DHCR7: variants seen among roughly 807,000 people sequenced by gnomAD.
DHCR7 encodes the protein 7-dehydrocholesterol reductase, also known as 7-DHC reductase.
A neutral mutation model predicts 43.3 loss-of-function variants in DHCR7; 40 were observed. The observed-to-expected ratio is 0.92, with a 90% confidence interval of 0.72 to 1.20. The LOEUF is 1.20. DHCR7 is among the 50% of genes most tolerant of loss of function. The pLI, the probability that DHCR7 is intolerant of heterozygous loss-of-function variation, is 0.00. For missense variants in DHCR7, 608 were observed against 644.6 expected, an observed-to-expected ratio of 0.94 and a Z score of 0.62; for synonymous variants, 298 against 271.4, an observed-to-expected ratio of 1.10 and a Z score of -0.96.
chr11:71,428,998 A>G (rs2135936456), intron 2 of DHCR7: 2 of 364,368 alleles, frequency 5.5e-6, no homozygotes, highest in South Asian at 2.1e-5. Flanking sequence ...GCTCAGGGGT[A>G]GGAAGAAGTG....
At chr11:71,444,776 G>T in intron 3 of DHCR7, 79 bp downstream of exon 3, 1 of 1,285,256 alleles carries the variant, frequency 7.8e-7, no homozygotes, top group Non-Finnish European at 1.1e-6. Context: ...CATTCCTTTG[G>T]GTCCATACAA....
chr11:71,427,466 T>C (rs1227162373), downstream of DHCR7, among the ~76,000 whole-genome samples: 1 of 152,182 alleles, frequency 6.6e-6, no homozygotes, highest in African/African-American at 2.4e-5. Flanking sequence ...TTTGCAAGAA[T>C]AGAAATAAAA....
Position 71,435,849 on chromosome 11 carries a change from G to A in DHCR7, c.964-10C>T, listed in dbSNP as rs753345689. 176 of 1,594,844 alleles carry A rather than the reference G, an allele frequency of 1.1e-4. No homozygotes were observed. Among genetic ancestry groups the A allele is most frequent in the Non-Finnish European group, 1.4e-4 (169 of 1,172,038 alleles). Reference sequence around the variant, plus strand: ...ACACCAAGTACAGACCCTGGGGGGCGAGGGGGAAGGGGTCAAGCGGTGCTT... The same window carrying A: ...ACACCAAGTACAGACCCTGGGGGGCAAGGGGGAAGGGGTCAAGCGGTGCTT... On this transcript the variant is annotated splice_polypyrimidine_tract_variant and intron_variant, in intron 8 of 8. Transcript: ENST00000355527.
In DHCR7 at chr11:71,445,521, C is replaced by T. The variant is rs115051781; in HGVS notation, c.-6-563G>A. ...TTATTTTCTTAGTAACTCTCCCCAT[C>T]GCCTAGAAGTATTCATTTGTGTGTG... On this transcript the variant is annotated intron_variant, in intron 2 of 8. Transcript: ENST00000355527. Among the ~76,000 whole-genome samples, 1,373 of 152,324 alleles carry T rather than the reference C, an allele frequency of 9.0e-3. 21 individuals carry two copies. Among genetic ancestry groups the T allele is most frequent in the African/African-American group, 0.031 (1,306 of 41,564 alleles).
At chr11:71,429,052 G>A (rs1354409551) in intron 2 of DHCR7, among the ~76,000 whole-genome samples, 1 of 152,254 alleles carries the variant, frequency 6.6e-6, no homozygotes, top group Non-Finnish European at 1.5e-5. Flanking sequence ...CACTTCCATT[G>A]CAGCTAAGTG....
Position 71,435,720 on chromosome 11 carries a change from G to T in DHCR7, c.1083C>A (p.Phe361Leu), listed in dbSNP as rs780088227. ...FRVANHQKDL[F>L]RRTDGRCLIW... Reference sequence around the variant, plus strand: ...TGAGGCAGCGCCCATCCGTGCGGCGGAACAGGTCCTTCTGGTGGTTGGCCA... The same window carrying T: ...TGAGGCAGCGCCCATCCGTGCGGCGTAACAGGTCCTTCTGGTGGTTGGCCA... Residue 361 changes from phenylalanine (F) to leucine (L), a missense_variant, in exon 9 of 9, where the codon TTC (phenylalanine) becomes TTA (leucine). By Grantham distance (22) the Phe-to-Leu change is conservative (BLOSUM62 0). Transcript: ENST00000355527. 4 of 1,612,920 alleles carry T rather than the reference G, an allele frequency of 2.5e-6. No individual in the cohort carries two copies. Among genetic ancestry groups the T allele is most frequent in the Non-Finnish European group, 1.7e-6 (2 of 1,179,682 alleles).
At chr11:71,439,674 C>T (rs1475567314) in intron 6 of DHCR7, among the ~76,000 whole-genome samples, 1 of 152,226 alleles carries the variant, frequency 6.6e-6, no homozygotes, top group African/African-American at 2.4e-5. Flanking sequence ...GAGATAACCC[C>T]TGTGGAGACC....
chr11:71,439,807 TG>T (rs1949329564), intron 6 of DHCR7, among the ~76,000 whole-genome samples: 1 of 152,214 alleles, frequency 6.6e-6, no homozygotes, highest in African/African-American at 2.4e-5. Context: ...AAAGTCTACA[TG>T]ATTATAAGGT....
At chr11:71,429,968 C>G (rs973406754), downstream of DHCR7, among the ~76,000 whole-genome samples, 1 of 152,172 alleles carries the variant, frequency 6.6e-6, no homozygotes, top group Non-Finnish European at 1.5e-5. Context: ...AGACCCATCC[C>G]GTCCCCAGCT....
At chr11:71,440,971 C>T (rs1005533972) in intron 6 of DHCR7, among the ~76,000 whole-genome samples, 8 of 152,184 alleles carry the variant, frequency 5.3e-5, no homozygotes, top group South Asian at 2.1e-4. Context: ...CTTACCCCCA[C>T]GCCAGCCCTA....
downstream of DHCR7, among the ~76,000 whole-genome samples, chr11:71,433,904 G>A (rs978999605): frequency 8.5e-5 from 13 of 152,310 alleles, no homozygotes; most frequent in Admixed American, 4.6e-4. Context: ...ACCAGTGCAC[G>A]AACACTAGGG....
In DHCR7 at chr11:71,441,336, T is replaced by C; in HGVS notation, c.517A>G (p.Ile173Val). ...HLLSWFSPTI[I>V]FDNWIPLLWC... ...AGCAGTGGGATCCAGTTGTCGAAGA[T>C]GATGGTGGGCGAGAACCAGGACAGG... The change falls in exon 6 of 9, where the codon ATC becomes GTC. Residue 173 changes from isoleucine (I) to valine (V), a missense_variant. Physicochemically the swap from Ile to Val is conservative, Grantham distance 29 (BLOSUM62 3). Transcript: ENST00000355527. 1 of 1,614,160 alleles carries C rather than the reference T, an allele frequency of 6.2e-7. No individual in the cohort carries two copies. The highest frequency in any genetic ancestry group is 1.1e-5 in the South Asian group (1 of 91,082).
At position 71,437,950 on chromosome 11, in the gene DHCR7, G is replaced by C. The variant is rs781410864; in HGVS notation, c.832-7C>G. 6.2e-7 allele frequency: 1 copy of C among 1,612,384 alleles called. No homozygotes were observed. The highest frequency in any genetic ancestry group is 8.5e-7 in the Non-Finnish European group (1 of 1,179,986). On this transcript the variant is annotated splice_region_variant and splice_polypyrimidine_tract_variant and intron_variant, in intron 7 of 8. Transcript: ENST00000355527. ...AGTCAATCACGTAGATGGCCTGCAA[G>C]ACAGAAGCAGCCGCTGACCACCCCC...
At chr11:71,446,108 T>C (rs1029880399) in intron 2 of DHCR7, among the ~76,000 whole-genome samples, 10 of 151,976 alleles carry the variant, frequency 6.6e-5, no homozygotes, top group Admixed American at 3.3e-4. Context: ...CCAGTCCACA[T>C]TGGTACAAGA....
chr11:71,429,606 A>G (rs1323540482), downstream of DHCR7, among the ~76,000 whole-genome samples: 1 of 152,150 alleles, frequency 6.6e-6, no homozygotes, highest in Non-Finnish European at 1.5e-5. Flanking sequence ...AGCAACTGAC[A>G]TTTATGGGAA....
intron 8 of DHCR7, 104 bp downstream of exon 8, chr11:71,437,708 A>G: frequency 6.6e-7 from 1 of 1,510,250 alleles, no homozygotes; most frequent in Non-Finnish European, 9.0e-7. Context: ...TCCTAGAAAC[A>G]GGGGGCAGCT....
intron 8 of DHCR7, 87 bp from the exon 9 acceptor site, chr11:71,435,926 C>T: frequency 4.6e-6 from 5 of 1,096,896 alleles, no homozygotes; most frequent in Non-Finnish European, 5.4e-6. Flanking sequence ...GGCCTGGGGT[C>T]AAACCCCAGC....
At position 71,441,370 on chromosome 11, in the gene DHCR7, G is replaced by A. The variant is rs750628746; in HGVS notation, c.483C>T (p.Asn161=). 4.6e-5 allele frequency: 74 copies of A among 1,614,114 alleles called. No homozygotes were observed. Among genetic ancestry groups the A allele is most frequent in the African/African-American group, 5.3e-5 (4 of 74,932 alleles). ...WLLTHLLWFA[N]AHLLSWFSPT... is the part of the protein sequence containing the mutation. ...GCGAGAACCAGGACAGGAGATGAGC[G>A]TTTGCAAACCAGAGCAGGTGCGTGA... Residue 161 remains asparagine, a synonymous_variant, in exon 6 of 9, where the codon AAC becomes AAT. Coordinates refer to ENST00000355527, the MANE Select transcript of DHCR7 (RefSeq NM_001360.3).
chr11:71,436,984 GC>G (rs1361733568), intron 8 of DHCR7, among the ~76,000 whole-genome samples: 2 of 152,230 alleles, frequency 1.3e-5, no homozygotes, highest in Non-Finnish European at 2.9e-5. Flanking sequence ...CAGACCTGCA[GC>G]CAGCCAGGTG....
Sources: allele counts gnomAD v4.1 joint callset (sites outside exome capture counted in the v4.1 genomes callset), GRCh38; gene constraint gnomAD v4.1.1; transcripts MANE v1.5; gene names NCBI Gene and HGNC (gene_info 2026-07-23, HGNC 2026-07-21).